Variants in ABCC12 observed in about 807,000 individuals in gnomAD.
The protein encoded by ABCC12 is ATP-binding cassette sub-family C member 12.
A neutral mutation model predicts 151.1 loss-of-function variants in ABCC12; 142 were observed. The ratio of observed to expected loss-of-function variants is 0.94; its 90% CI spans 0.82 to 1.08. ABCC12 has a LOEUF of 1.08. ABCC12 is among the 50% of genes least tolerant of loss of function. ABCC12 has a pLI of 0.00. For missense variants in ABCC12, 1,638 were observed against 1,691.1 expected (o/e 0.97, Z 0.55); for synonymous variants, 645 against 646.4 (o/e 1.00, Z 0.03).
Position 48,104,309 on chromosome 16 carries a change from A to C in ABCC12, c.2733T>G (p.Arg911=), listed in dbSNP as rs1411319800. Residue 911 remains arginine (R), a synonymous_variant, in exon 22 of 31, where the codon CGT becomes CGG. Coordinates refer to ENST00000311303, the MANE Select transcript of ABCC12 (RefSeq NM_001393797.1). ...CCAGCTCGTCCATATCCTTGGAAAAACGGTTCATTAGCCTGCCAGTGGGAG... is the reference window on the plus strand; with the variant it reads ...CCAGCTCGTCCATATCCTTGGAAAACCGGTTCATTAGCCTGCCAGTGGGAG... ...DTTPTGRLMN[R]FSKDMDELDV... 11 of 1,614,226 alleles carry C rather than the reference A, an allele frequency of 6.8e-6. No homozygotes were observed.
chr16:48,088,721 T>G lies in ABCC12; in HGVS notation c.3299A>C (p.Glu1100Ala), dbSNP rs747181947. 8.6e-5 allele frequency: 139 copies of G among 1,613,414 alleles called. No individual in the cohort carries two copies. The highest frequency in any genetic ancestry group is 1.1e-4 in the Non-Finnish European group (129 of 1,179,744). Reference sequence around the variant, plus strand: ...CCCCACTTTGAGGGGATGAGTGCATTCAGGAACACAGGTCTGTAAAGGAGA... The same window carrying G: ...CCCCACTTTGAGGGGATGAGTGCATGCAGGAACACAGGTCTGTAAAGGAGA... Reference protein sequence around the residue: ...LREYISTCVPECTHPLKVGTC... With the variant: ...LREYISTCVPACTHPLKVGTC... The change falls in exon 26 of 31, where the codon GAA becomes GCA. Residue 1100 changes from glutamate (E) to alanine (A), a missense_variant. Transcript: ENST00000311303.
Position 48,083,996 on chromosome 16 carries a change from G to A in ABCC12, c.3906C>T (p.Ala1302=), listed in dbSNP as rs144766210. The stretch of plus-strand genomic sequence containing the variant: ...TGGTCAGCACAGTGCAGCCCTTGAA[G>A]GCATCTTTGATGGTGTTCTGAACCA... ...DTLVQNTIKD[A]FKGCTVLTIA... Residue 1302 remains alanine, a synonymous_variant, in exon 30 of 31, where the codon GCC becomes GCT. Coordinates refer to ENST00000311303, the MANE Select transcript of ABCC12 (RefSeq NM_001393797.1). The A allele has an allele frequency of 9.2e-5, 148 of 1,612,808 alleles. 1 individual carries two copies. Among genetic ancestry groups the A allele is most frequent in the South Asian group, 2.9e-4 (26 of 90,676 alleles).
chr16:48,089,036 G>A (rs969146467), intron 25 of ABCC12, among the ~76,000 whole-genome samples: 5 of 152,240 alleles, frequency 3.3e-5, no homozygotes, highest in Non-Finnish European at 7.3e-5. Flanking sequence ...AGGCACCTAT[G>A]TGACATTGGA....
At chr16:48,113,018 C>A (rs1172799827) in intron 15 of ABCC12, among the ~76,000 whole-genome samples, 1 of 152,148 alleles carries the variant, frequency 6.6e-6, no homozygotes, top group Admixed American at 6.6e-5. Flanking sequence ...ATCAAGGAAG[C>A]TCCCTCCTAG....
At chr16:48,114,604 G>A (rs1365554650) in intron 15 of ABCC12, among the ~76,000 whole-genome samples, 2 of 152,088 alleles carry the variant, frequency 1.3e-5, no homozygotes, top group Admixed American at 6.5e-5. Context: ...AGACACCCAC[G>A]TGCACGCATG....
In ABCC12 at chr16:48,085,834, A is replaced by T. The variant is rs895760994; in HGVS notation, c.3715-128T>A. On this transcript the variant is annotated intron_variant, in intron 28 of 30. Coordinates refer to ENST00000311303, the MANE Select transcript of ABCC12 (RefSeq NM_001393797.1). ...TATTTTACTGTGGCAAAGAAAGTGCAAAACAACAATCATTTCAATATTGCA... is the reference window on the plus strand; with the variant it reads ...TATTTTACTGTGGCAAAGAAAGTGCTAAACAACAATCATTTCAATATTGCA... The T allele has an allele frequency of 1.4e-5, 10 of 724,034 alleles. No individual in the cohort carries two copies. The African/African-American group carries it at 1.8e-4, about 13-fold the overall frequency. 44.9% of individuals were successfully genotyped at this position (724,034 alleles called of 1,614,324 possible).
chr16:48,124,314 C>T (rs762536989), intron 11 of ABCC12, 30 bp from the exon 12 acceptor site: 15 of 1,605,044 alleles, frequency 9.3e-6, no homozygotes, highest in Non-Finnish European at 1.3e-5. Flanking sequence ...GGGACACAGT[C>T]ACTCTCTCCC....
At chr16:48,113,613 G>A (rs531605325) in intron 15 of ABCC12, among the ~76,000 whole-genome samples, 48 of 152,322 alleles carry the variant, frequency 3.2e-4, no homozygotes, top group African/African-American at 1.0e-3. Context: ...GCCCCGGGCC[G>A]CAGTTCTGGG....
intron 9 of ABCC12, among the ~76,000 whole-genome samples, chr16:48,132,011 G>A (rs1285184585): frequency 6.6e-6 from 1 of 152,178 alleles, no homozygotes; most frequent in African/African-American, 2.4e-5. Context: ...AGAAGCGACT[G>A]CAATCAGTTC....
At chr16:48,086,901 G>A in intron 27 of ABCC12, 82 bp from the exon 28 acceptor site, 1 of 1,162,406 alleles carries the variant, frequency 8.6e-7, no homozygotes, top group African/African-American at 1.5e-5. Context: ...TCTGTAGCAT[G>A]TGGAGGAGGG....
chr16:48,098,703 C>A (rs1423924038), intron 23 of ABCC12, among the ~76,000 whole-genome samples: 1 of 152,176 alleles, frequency 6.6e-6, no homozygotes, highest in East Asian at 1.9e-4. Flanking sequence ...GGAATTTGAC[C>A]TCTAATCTTT....
intron 11 of ABCC12, 83 bp from the exon 12 acceptor site, chr16:48,124,367 T>C: frequency 2.9e-6 from 4 of 1,394,024 alleles, no homozygotes; most frequent in South Asian, 1.2e-5. Context: ...TCCCAAACTA[T>C]GCTGGTCAGG....
At chr16:48,138,531 T>C (rs1013727832) in intron 7 of ABCC12, among the ~76,000 whole-genome samples, 156 bp from the exon 8 acceptor site, 3 of 152,220 alleles carry the variant, frequency 2.0e-5, no homozygotes, top group Non-Finnish European at 4.4e-5. Context: ...TGGCTGTTGA[T>C]GCTGTCTGAG....
intron 4 of ABCC12, among the ~76,000 whole-genome samples, chr16:48,141,934 T>C (rs919808033): frequency 2.0e-5 from 3 of 152,184 alleles, no homozygotes; most frequent in Admixed American, 1.3e-4. Flanking sequence ...AAAAGATCAA[T>C]TGGCTGCTAT....
chr16:48,141,774 G>C (rs997349422), intron 4 of ABCC12, among the ~76,000 whole-genome samples: 1 of 152,228 alleles, frequency 6.6e-6, no homozygotes, highest in Non-Finnish European at 1.5e-5. Flanking sequence ...GGAACAGTGG[G>C]AAGCAAGGCA....
rs1964911272 is a variant in ABCC12, at chr16:48,143,977, G to A, written c.208C>T (p.Gln70Ter). The change falls in exon 4 of 31, where the codon CAA (glutamine) becomes TAA (stop). Residue 70 changes from glutamine to a stop codon, truncating the protein, a stop_gained. Transcript: ENST00000311303. LOFTEE classifies it high-confidence loss of function. ...GGCAGGGTGTCTACGGTCAGCCTTTGCCGGTAGCCTTTCACCATCACCGGC... is the reference window on the plus strand; with the variant it reads ...GGCAGGGTGTCTACGGTCAGCCTTTACCGGTAGCCTTTCACCATCACCGGC... ...LTPVMVKGYRQRLTVDTLPPL... is the reference protein window; with the variant it reads ...LTPVMVKGYR 6.2e-7 allele frequency: 1 copy of A among 1,613,958 alleles called. No individual in the cohort carries two copies. The highest frequency in any genetic ancestry group is 2.2e-5 in the East Asian group (1 of 44,898).
At chr16:48,141,605 T>C (rs1394414748) in intron 4 of ABCC12, among the ~76,000 whole-genome samples, 1 of 152,162 alleles carries the variant, frequency 6.6e-6, no homozygotes, top group Non-Finnish European at 1.5e-5. Context: ...TTCCTCTGCC[T>C]ACCACCCATC....
chr16:48,117,868 T>G (rs779208910), intron 13 of ABCC12, among the ~76,000 whole-genome samples: 1 of 152,288 alleles, frequency 6.6e-6, no homozygotes, highest in African/African-American at 2.4e-5. Flanking sequence ...GCTAGTAGGT[T>G]GGAGAGAATG....
chr16:48,151,814 G>T (rs561484290), intron 2 of ABCC12, among the ~76,000 whole-genome samples: 1 of 152,202 alleles, frequency 6.6e-6, no homozygotes, highest in South Asian at 2.1e-4. Flanking sequence ...ATCTAAAGCC[G>T]AAAGCAGGCT....
Sources: allele counts gnomAD v4.1 joint callset (sites outside exome capture counted in the v4.1 genomes callset), GRCh38; gene constraint gnomAD v4.1.1; transcripts MANE v1.5; gene names NCBI Gene and HGNC (gene_info 2026-07-23, HGNC 2026-07-21).